The following ANK3 variants were observed in gnomAD, a reference collection of about 807,000 sequenced individuals.
The protein encoded by ANK3 is ankyrin-3.
In ANK3, 57 loss-of-function variants were observed where a neutral mutation model predicts 370.9. The ratio of observed to expected loss-of-function variants is 0.15; its 90% CI spans 0.12 to 0.19. ANK3 has a LOEUF of 0.19. Among genes scored for constraint, ANK3 ranks in the 10% least tolerant of loss-of-function variants. The pLI, the probability that ANK3 is intolerant of heterozygous loss-of-function variation, is 1.00. For synonymous variants in ANK3, 1,929 were observed against 1,946.3 expected (o/e 0.99, Z 0.23); for missense variants, 4,439 against 5,302.1 (o/e 0.84, Z 5.06).
At chr10:60,658,885 G>T (rs919463612) in intron 1 of ANK3, among the ~76,000 whole-genome samples, 3 of 142,716 alleles carry the variant, frequency 2.1e-5, no homozygotes, top group African/African-American at 7.7e-5. Flanking sequence ...AAAGAAAAGA[G>T]AAAGAGAGAG....
At chr10:60,648,759 G>T (rs1199525512) in intron 1 of ANK3, among the ~76,000 whole-genome samples, 1 of 88,732 alleles carries the variant, frequency 1.1e-5, no homozygotes. Flanking sequence ...GACAGAATAA[G>T]ACTGTCTTAA....
At chr10:60,314,571 A>G (rs1186771115) in intron 1 of ANK3, among the ~76,000 whole-genome samples, 1 of 152,220 alleles carries the variant, frequency 6.6e-6, no homozygotes, top group Non-Finnish European at 1.5e-5. Context: ...GAAAGAGGAT[A>G]AGCGTATTTC....
chr10:60,665,150 A>G (rs1267348766), intron 1 of ANK3, among the ~76,000 whole-genome samples: 1 of 152,164 alleles, frequency 6.6e-6, no homozygotes, highest in African/African-American at 2.4e-5. Context: ...CTGCCTCCTC[A>G]TCAATAAAAT....
In ANK3 at chr10:60,213,497, G is replaced by T; in HGVS notation, c.911C>A (p.Pro304Gln). Residue 304 changes from proline (P) to glutamine (Q), a missense_variant, in exon 9 of 44, where the codon CCA becomes CAA. By Grantham distance (76) the Pro-to-Gln change is moderately conservative (BLOSUM62 -1). This residue lies in a region of ANK3 where 227 missense variants were observed against 377.6 expected (regional missense o/e 0.60). Coordinates refer to ENST00000280772, the MANE Select transcript of ANK3 (RefSeq NM_020987.5). ...IDAKTRDGLT[P>Q]LHCGARSGHE... is the part of the protein sequence containing the mutation. ...GCCACTCCTTGCTCCACAGTGCAGT[G>T]GTGTCAGACCATCCTGTTGAACAAA... 6.2e-7 allele frequency: 1 copy of T among 1,604,132 alleles called. No homozygotes were observed. Among genetic ancestry groups the T allele is most frequent in the Non-Finnish European group, 8.5e-7 (1 of 1,173,652 alleles).
chr10:60,596,281 T>G (rs2077987066), intron 2 of ANK3, among the ~76,000 whole-genome samples: 2 of 152,238 alleles, frequency 1.3e-5, no homozygotes, highest in African/African-American at 4.8e-5. Context: ...TTGAAATAGA[T>G]CTTTAACAAG....
At chr10:60,031,047 G>A (rs2073379436) in intron 43 of ANK3, among the ~76,000 whole-genome samples, 1 of 152,058 alleles carries the variant, frequency 6.6e-6, no homozygotes, top group African/African-American at 2.4e-5. Context: ...GAGCAGAAAG[G>A]GCCAGAGATA....
chr10:60,297,782 TA>T (rs1407249270), intron 1 of ANK3, among the ~76,000 whole-genome samples: 1 of 152,172 alleles, frequency 6.6e-6, no homozygotes, highest in Admixed American at 6.5e-5. Context: ...ATTTAGTTGG[TA>T]AGTAAATATT....
chr10:60,214,581 A>C (rs961998719), intron 8 of ANK3, among the ~76,000 whole-genome samples: 3 of 151,870 alleles, frequency 2.0e-5, no homozygotes, highest in Admixed American at 2.0e-4. Flanking sequence ...CTCATTGTTC[A>C]TCTCCCACTT....
intron 2 of ANK3, among the ~76,000 whole-genome samples, chr10:60,448,328 A>T (rs2064505992): frequency 6.6e-6 from 1 of 152,228 alleles, no homozygotes; most frequent in Admixed American, 6.5e-5. Flanking sequence ...ATAAAATGTC[A>T]TCATAACATT....
At chr10:60,718,275 T>C (rs990550553) in intron 1 of ANK3, among the ~76,000 whole-genome samples, 9 of 152,258 alleles carry the variant, frequency 5.9e-5, no homozygotes, top group Non-Finnish European at 1.0e-4. Context: ...TTGTTGGTAT[T>C]TACCTGAACA....
chr10:60,374,220 C>T (rs76976576), intron 1 of ANK3, among the ~76,000 whole-genome samples: 13,245 of 151,950 alleles, frequency 0.087, 729 homozygotes, highest in South Asian at 0.13. Flanking sequence ...AAAGGGGATC[C>T]GGCGGGCAAC....
At position 60,071,983 on chromosome 10, in the gene ANK3, A is replaced by T. The variant is rs2082785245; in HGVS notation, c.8898T>A (p.Asp2966Glu). ...AVSHIPVRVA[D>E]ERRMLSSNIP... is the part of the protein sequence containing the mutation. ...TATTAGAAGACAGCATTCTCCTCTCATCAGCAACTCTGACGGGAATGTGTG... is the reference window on the plus strand; with the variant it reads ...TATTAGAAGACAGCATTCTCCTCTCTTCAGCAACTCTGACGGGAATGTGTG... Residue 2966 changes from aspartate (D) to glutamate (E), a missense_variant, in exon 37 of 44, where the codon GAT (aspartate) becomes GAA (glutamate). Asp to Glu is a conservative substitution (Grantham distance 45). This residue lies in a region of ANK3 where 1,601 missense variants were observed against 1,731.7 expected (regional missense o/e 0.92). Transcript: ENST00000280772. The T allele has an allele frequency of 6.2e-7, 1 of 1,613,844 alleles. No individual in the cohort carries two copies.
intron 8 of ANK3, among the ~76,000 whole-genome samples, chr10:60,217,654 G>A (rs1339667284): frequency 6.6e-6 from 1 of 152,112 alleles, no homozygotes; most frequent in African/African-American, 2.4e-5. Context: ...TGCATTTGCC[G>A]AGGAGTGTTT....
intron 29 of ANK3, among the ~76,000 whole-genome samples, chr10:60,087,216 A>G (rs1014515660): frequency 4.6e-5 from 7 of 152,162 alleles, no homozygotes; most frequent in African/African-American, 1.2e-4. Flanking sequence ...TGAGTCCAAT[A>G]TATTTTAAAC....
intron 1 of ANK3, among the ~76,000 whole-genome samples, chr10:60,716,124 T>C (rs1466070966): frequency 1.3e-5 from 2 of 152,184 alleles, no homozygotes; most frequent in African/African-American, 4.8e-5. Context: ...AAATAATTCC[T>C]ATTGAGAATC....
chr10:60,191,173 AG>A (rs776226815), intron 16 of ANK3, among the ~76,000 whole-genome samples: 1 of 152,182 alleles, frequency 6.6e-6, no homozygotes, highest in Non-Finnish European at 1.5e-5. Flanking sequence ...GCATTGAACT[AG>A]GGAAAAAATT....
intron 38 of ANK3, 112 bp from the exon 39 acceptor site, chr10:60,064,400 C>G: frequency 5.5e-6 from 6 of 1,091,032 alleles, no homozygotes; most frequent in Non-Finnish European, 7.8e-6. Flanking sequence ...TAGTCAAGCT[C>G]AAGTACAGCC....
chr10:60,118,733 G>T (rs535289428), intron 25 of ANK3, among the ~76,000 whole-genome samples: 109 of 151,996 alleles, frequency 7.2e-4, no homozygotes, highest in African/African-American at 2.2e-3. Context: ...TTTCACAAAG[G>T]TTCATTTTTT....
At chr10:60,329,544 G>A (rs991082995) in intron 1 of ANK3, among the ~76,000 whole-genome samples, 3 of 152,050 alleles carry the variant, frequency 2.0e-5, no homozygotes, top group African/African-American at 7.2e-5. Context: ...TTGGTACAAA[G>A]AGATTAAAAT....
Sources: gnomAD v4.1 joint callset for allele counts (sites outside exome capture counted in the v4.1 genomes callset) on GRCh38, gnomAD v4.1.1 for gene constraint, gnomAD v4.1.1 regional missense constraint, MANE v1.5 for transcripts, NCBI Gene and HGNC (gene_info 2026-07-23, HGNC 2026-07-21) for gene names.